OPRM1: variants seen among roughly 807,000 people sequenced by gnomAD.
The protein encoded by OPRM1 is opioid receptor mu 1, also known as mu-type opioid receptor.
Under a neutral mutation model 31.8 loss-of-function variants are expected in OPRM1, and 27 were observed. That is an observed-to-expected ratio of 0.85 (90% confidence interval 0.63 to 1.17). OPRM1 has a LOEUF of 1.17. Among genes scored for constraint, OPRM1 ranks in the 50% most tolerant of loss-of-function variants. The pLI, the probability that OPRM1 is intolerant of heterozygous loss-of-function variation, is 0.00. For synonymous variants in OPRM1, 196 were observed against 189.9 expected, an observed-to-expected ratio of 1.03 and a Z score of -0.26; for missense variants, 536 against 511.1, an observed-to-expected ratio of 1.05 and a Z score of -0.47.
chr6:154,162,851 T>C (rs1313851722), intron 3 of OPRM1, among the ~76,000 whole-genome samples: 1 of 152,186 alleles, frequency 6.6e-6, no homozygotes, highest in African/African-American at 2.4e-5. Context: ...CATCAACCCC[T>C]AAGAGGCATC....
rs139928593 is a variant in OPRM1, at chr6:154,125,579, A to G, written c.*6858A>G. 6.6e-6 allele frequency among the ~76,000 whole-genome samples: 1 copy of G among 152,348 alleles called. No homozygotes were observed. Among genetic ancestry groups the G allele is most frequent in the Non-Finnish European group, 1.5e-5 (1 of 68,028 alleles). Reference sequence around the variant, plus strand: ...ATCTTCATATTGTCACATGCACTGTAATAGGAATGTTTAGCAAAAAAAACC... The same window carrying G: ...ATCTTCATATTGTCACATGCACTGTGATAGGAATGTTTAGCAAAAAAAACC... On this transcript the variant is annotated 3_prime_UTR_variant, in exon 4 of 4. Transcript: ENST00000330432.
At chr6:154,028,681 C>T (rs1778839979) in intron 1 of OPRM1, among the ~76,000 whole-genome samples, 1 of 152,276 alleles carries the variant, frequency 6.6e-6, no homozygotes, top group South Asian at 2.1e-4. Context: ...GTTAAATGCT[C>T]CCTCCATGGG....
At chr6:154,205,635 A>C (rs1310333523) in intron 3 of OPRM1, among the ~76,000 whole-genome samples, 3 of 152,162 alleles carry the variant, frequency 2.0e-5, no homozygotes, top group Non-Finnish European at 4.4e-5. Flanking sequence ...ACATTAATTT[A>C]TTATGTATTA....
rs545752894 is a variant in OPRM1, at chr6:154,098,954, C to T, written c.1164+7482C>T. Among the ~76,000 whole-genome samples the T allele has an allele frequency of 3.3e-5, 5 of 152,074 alleles. No individual in the cohort carries two copies. The South Asian group carries it at 8.3e-4, about 25-fold the overall frequency. ...TATAGAGTAGAGTTTCTGAGTTTCA[C>T]GTGAATAGGAACTTTTCATGATGAA... On this transcript the variant is annotated intron_variant, in intron 3 of 3. Coordinates refer to ENST00000330432, the MANE Select transcript of OPRM1 (RefSeq NM_000914.5).
At chr6:154,070,509 T>C (rs1786462776) in intron 1 of OPRM1, among the ~76,000 whole-genome samples, 1 of 152,218 alleles carries the variant, frequency 6.6e-6, no homozygotes, top group Non-Finnish European at 1.5e-5. Context: ...AAAATCCAAG[T>C]AAACTCTTTA....
intron 3 of OPRM1, among the ~76,000 whole-genome samples, chr6:154,232,969 C>CT (rs780567029): frequency 0.023 from 3,127 of 134,540 alleles, 68 homozygotes; most frequent in Admixed American, 0.055. Context: ...TTTTTCTTTT[C>CT]TTTTTTTTTT....
intron 3 of OPRM1, chr6:154,212,795 G>A (rs1375678728): frequency 1.2e-6 from 2 of 1,613,188 alleles, no homozygotes; most frequent in East Asian, 2.2e-5. Context: ...GGAAGCGTGA[G>A]GAGGGGGTGG....
intron 3 of OPRM1, among the ~76,000 whole-genome samples, chr6:154,154,143 G>A (rs1313739594): frequency 6.6e-6 from 1 of 152,170 alleles, no homozygotes; most frequent in Non-Finnish European, 1.5e-5. Context: ...TGTGTGTGTA[G>A]ACAGCAGTCA....
chr6:154,240,528 A>T (rs1040392736), intron 3 of OPRM1, among the ~76,000 whole-genome samples: 3 of 152,024 alleles, frequency 2.0e-5, no homozygotes, highest in African/African-American at 7.2e-5. Flanking sequence ...AGCTGAAAAA[A>T]AAAAAGGTAC....
chr6:154,110,842 G>A (rs1352509156), intron 3 of OPRM1, among the ~76,000 whole-genome samples: 5 of 130,810 alleles, frequency 3.8e-5, no homozygotes, highest in Middle Eastern at 4.9e-3. Flanking sequence ...AGCAGAGATC[G>A]CGCCACTGCA....
intron 3 of OPRM1, among the ~76,000 whole-genome samples, chr6:154,176,725 AT>A (rs1185417909): frequency 2.6e-5 from 4 of 152,198 alleles, no homozygotes; most frequent in Non-Finnish European, 5.9e-5. Flanking sequence ...AATCAATATC[AT>A]GAAAATGGCC....
At chr6:154,015,510 C>T (rs576088229) in intron 1 of OPRM1, among the ~76,000 whole-genome samples, 7 of 151,710 alleles carry the variant, frequency 4.6e-5, no homozygotes, top group African/African-American at 7.2e-5. Flanking sequence ...GAATAAATTC[C>T]GAAGGGATCA....
At chr6:154,018,084 G>A (rs1046151130) in intron 1 of OPRM1, among the ~76,000 whole-genome samples, 4 of 152,232 alleles carry the variant, frequency 2.6e-5, no homozygotes, top group Admixed American at 2.0e-4. Context: ...TGCAGCTGCG[G>A]GCACTCAGGT....
chr6:154,091,351 G>T lies in OPRM1; in HGVS notation c.1043G>T (p.Cys348Phe), dbSNP rs751785041. Residue 348 changes from cysteine (C) to phenylalanine (F), a missense_variant, in exon 3 of 4, where the codon TGC becomes TTC. Physicochemically the swap from Cys to Phe is radical, Grantham distance 205. Transcript: ENST00000330432. The part of the protein sequence containing the change: ...YAFLDENFKR[C>F]FREFCIPTSS... ...TTTCTGGATGAAAACTTCAAACGAT[G>T]CTTCAGAGAGTTCTGTATCCCAACC... 1.4e-5 allele frequency: 23 copies of T among 1,614,194 alleles called. No homozygotes were observed. Among genetic ancestry groups the T allele is most frequent in the Non-Finnish European group, 1.9e-5 (23 of 1,180,044 alleles).
chr6:154,083,943 CAAAAAAAAAA>C (rs57976654), intron 1 of OPRM1, among the ~76,000 whole-genome samples: 4 of 35,152 alleles, frequency 1.1e-4, no homozygotes, highest in East Asian at 6.9e-4. Context: ...GACTCCGTCT[CAAAAAAAAAA>C]AAAAAAAAAA....
chr6:154,194,045 C>T (rs985031663), intron 3 of OPRM1, among the ~76,000 whole-genome samples: 2 of 152,214 alleles, frequency 1.3e-5, no homozygotes, highest in Non-Finnish European at 2.9e-5. Context: ...AGCAGTGGTA[C>T]ACCTAGCGTA....
chr6:154,091,442 G>T lies in OPRM1; in HGVS notation c.1134G>T (p.Thr378=), dbSNP rs202194691. The change falls in exon 3 of 4, where the codon ACG becomes ACT. Residue 378 remains threonine, a synonymous_variant. Transcript: ENST00000330432. ...IRQNTRDHPS[T]ANTVDRTNHQ... is the part of the protein sequence containing the mutation. Reference sequence around the variant, plus strand: ...AGAACACTAGAGACCACCCCTCCACGGCCAATACAGTGGATAGAACTAATC... The same window carrying T: ...AGAACACTAGAGACCACCCCTCCACTGCCAATACAGTGGATAGAACTAATC... The T allele has an allele frequency of 3.1e-4, 499 of 1,613,150 alleles. 7 individuals carry two copies. The South Asian group carries it at 5.3e-3, about 17-fold the overall frequency.
intron 3 of OPRM1, among the ~76,000 whole-genome samples, chr6:154,218,554 T>C (rs1388465986): frequency 2.0e-5 from 3 of 152,186 alleles, no homozygotes; most frequent in Non-Finnish European, 4.4e-5. Context: ...TACCAAGTAA[T>C]ACCCAGATAC....
At chr6:154,040,276 T>C (rs1194582419) in intron 1 of OPRM1, among the ~76,000 whole-genome samples, 1 of 152,058 alleles carries the variant, frequency 6.6e-6, no homozygotes, top group African/African-American at 2.4e-5. Flanking sequence ...CCGGTGTGTG[T>C]GTGTGTGGCG....
Sources: allele counts gnomAD v4.1 joint callset (sites outside exome capture counted in the v4.1 genomes callset), GRCh38; gene constraint gnomAD v4.1.1; transcripts MANE v1.5; gene names NCBI Gene and HGNC (gene_info 2026-07-23, HGNC 2026-07-21).